The following PTPRD variants were observed in gnomAD, a reference collection of about 807,000 sequenced individuals.
The protein encoded by PTPRD is receptor-type tyrosine-protein phosphatase delta.
Under a neutral mutation model 214.5 loss-of-function variants are expected in PTPRD, and 34 were observed. The ratio of observed to expected loss-of-function variants is 0.16; its 90% confidence interval spans 0.12 to 0.21. PTPRD has a LOEUF of 0.21. PTPRD is among the 10% of genes least tolerant of loss of function. The pLI is 1.00. For synonymous variants in PTPRD, 1,128 were observed against 845.7 expected (o/e 1.33, Z -5.79); for missense variants, 2,545 against 2,398.7 (o/e 1.06, Z -1.27).
intron 35 of PTPRD, among the ~76,000 whole-genome samples, chr9:8,418,104 G>C (rs1314734995): frequency 6.6e-6 from 1 of 152,152 alleles, no homozygotes; most frequent in Non-Finnish European, 1.5e-5. Context: ...ATCAGTCCTA[G>C]TGAATAATTT....
Position 9,175,622 on chromosome 9 carries a change from C to CAAA in PTPRD, c.-143+7679_-143+7681dup, listed in dbSNP as rs55707715. On this transcript the variant is annotated intron_variant, in intron 10 of 45. Transcript: ENST00000381196. The stretch of plus-strand genomic sequence containing the variant: ...TGGGCAACAGAGTGAGACTCTGTCT[C>CAAA]AAAAAAAAAAAAAAAAAAAAAAAAA... Among the ~76,000 whole-genome samples the CAAA allele has an allele frequency of 9.8e-3, 444 of 45,172 alleles. 21 individuals are homozygous for CAAA. The highest frequency in any genetic ancestry group is 0.038 in the African/African-American group (430 of 11,182). 29.6% of individuals were successfully genotyped at this position (45,172 alleles called of 152,430 possible).
intron 11 of PTPRD, among the ~76,000 whole-genome samples, chr9:8,967,707 T>C (rs2099206865): frequency 6.6e-6 from 1 of 152,154 alleles, no homozygotes; most frequent in Non-Finnish European, 1.5e-5. Context: ...AATATACGTA[T>C]GTTATTTATC....
chr9:10,272,494 C>T (rs1470976442), intron 3 of PTPRD, among the ~76,000 whole-genome samples: 1 of 152,088 alleles, frequency 6.6e-6, no homozygotes, highest in Non-Finnish European at 1.5e-5. Context: ...TTTTTGAAAA[C>T]AGGATAACTC....
chr9:10,150,546 G>A (rs1184842605), intron 3 of PTPRD, among the ~76,000 whole-genome samples: 2 of 151,816 alleles, frequency 1.3e-5, no homozygotes, highest in African/African-American at 4.8e-5. Context: ...AGCATTAGGA[G>A]ATATACCTAA....
intron 9 of PTPRD, among the ~76,000 whole-genome samples, chr9:9,277,538 C>T (rs1430819173): frequency 6.6e-6 from 1 of 151,222 alleles, no homozygotes; most frequent in Non-Finnish European, 1.5e-5. Flanking sequence ...TATGATTATA[C>T]AGAAGGATCT....
intron 3 of PTPRD, among the ~76,000 whole-genome samples, chr9:10,194,144 A>G (rs1206053396): frequency 2.0e-5 from 3 of 152,034 alleles, no homozygotes; most frequent in African/African-American, 7.2e-5. Flanking sequence ...TAATTTTTCA[A>G]TACTTAGCTT....
chr9:8,506,558 G>C (rs891479207), intron 22 of PTPRD, among the ~76,000 whole-genome samples: 3 of 152,134 alleles, frequency 2.0e-5, no homozygotes, highest in Non-Finnish European at 4.4e-5. Context: ...GCGAGACTTT[G>C]AGCAAATTAT....
At chr9:10,485,445 A>G (rs904350509) in intron 2 of PTPRD, among the ~76,000 whole-genome samples, 3 of 152,032 alleles carry the variant, frequency 2.0e-5, no homozygotes, top group Non-Finnish European at 2.9e-5. Flanking sequence ...GCAGATTACT[A>G]TGGGTTGTAT....
chr9:10,140,852 A>G (rs2154266861), intron 3 of PTPRD, among the ~76,000 whole-genome samples: 1 of 151,914 alleles, frequency 6.6e-6, no homozygotes, highest in East Asian at 1.9e-4. Flanking sequence ...AATCCTCAAT[A>G]AAATACTGGC....
intron 4 of PTPRD, among the ~76,000 whole-genome samples, chr9:10,007,859 A>G (rs963630393): frequency 1.3e-5 from 2 of 152,032 alleles, no homozygotes; most frequent in African/African-American, 2.4e-5. Context: ...TTATCAGCCA[A>G]TAGTTACTTT....
chr9:9,676,924 C>G, intron 7 of PTPRD, among the ~76,000 whole-genome samples: 1 of 152,080 alleles, frequency 6.6e-6, no homozygotes, highest in African/African-American at 2.4e-5. Flanking sequence ...TGAATGTCTT[C>G]TTTTGAGAAG....
At chr9:10,058,222 T>A (rs750233416) in intron 3 of PTPRD, among the ~76,000 whole-genome samples, 4 of 152,100 alleles carry the variant, frequency 2.6e-5, no homozygotes, top group Non-Finnish European at 4.4e-5. Flanking sequence ...CCCTTTTGAG[T>A]TATGTATTCA....
intron 39 of PTPRD, among the ~76,000 whole-genome samples, chr9:8,370,281 C>G (rs1161539944): frequency 2.0e-5 from 3 of 151,850 alleles, no homozygotes; most frequent in African/African-American, 2.4e-5. Flanking sequence ...AAATATCTGA[C>G]AACCTTTACA....
At chr9:8,695,126 C>A (rs2097883596) in intron 12 of PTPRD, among the ~76,000 whole-genome samples, 1 of 152,084 alleles carries the variant, frequency 6.6e-6, no homozygotes, top group South Asian at 2.1e-4. Flanking sequence ...ACTGGTTCCT[C>A]TCATGATCCC....
chr9:9,565,640 T>C (rs914154341), intron 8 of PTPRD, among the ~76,000 whole-genome samples: 3 of 151,974 alleles, frequency 2.0e-5, no homozygotes, highest in Non-Finnish European at 4.4e-5. Context: ...CGTTCAGAAA[T>C]AAACTACAGG....
chr9:8,948,828 G>C (rs1044033333), intron 11 of PTPRD, among the ~76,000 whole-genome samples: 2 of 151,376 alleles, frequency 1.3e-5, no homozygotes, highest in African/African-American at 2.4e-5. Flanking sequence ...ATATTTGGAA[G>C]GTAACAGATG....
At chr9:8,331,489 A>G in intron 44 of PTPRD, 93 bp downstream of exon 44, 1 of 1,443,750 alleles carries the variant, frequency 6.9e-7, no homozygotes, top group Non-Finnish European at 9.4e-7. Flanking sequence ...CAAGAATAAA[A>G]TTTCAAATAA....
chr9:10,117,373 C>T (rs2098738736), intron 3 of PTPRD, among the ~76,000 whole-genome samples: 1 of 152,038 alleles, frequency 6.6e-6, no homozygotes, highest in South Asian at 2.1e-4. Flanking sequence ...TTTCCTAGTG[C>T]TGCCATAAAA....
chr9:10,025,969 A>G (rs1334780027), intron 4 of PTPRD, among the ~76,000 whole-genome samples: 4 of 152,228 alleles, frequency 2.6e-5, no homozygotes, highest in African/African-American at 9.6e-5. Flanking sequence ...GAGAAACTAG[A>G]GATTAACTCA....
Sources: gnomAD v4.1 joint callset for allele counts (sites outside exome capture counted in the v4.1 genomes callset) on GRCh38, gnomAD v4.1.1 for gene constraint, MANE v1.5 for transcripts, NCBI Gene and HGNC (gene_info 2026-07-23, HGNC 2026-07-21) for gene names.